Variants in ARL8B observed in about 807,000 individuals in gnomAD.
ARL8B encodes ARF like GTPase 8B, also known as ADP-ribosylation factor-like protein 8B.
A neutral mutation model predicts 30.6 loss-of-function variants in ARL8B; 9 were observed. That is an observed-to-expected ratio of 0.29 (90% confidence interval 0.18 to 0.51). The LOEUF is 0.51. Ranked by LOEUF, ARL8B falls within the 20% of genes least tolerant of loss-of-function variation. The pLI is 0.97. For synonymous variants in ARL8B, 74 were observed against 76.0 expected (o/e 0.97, Z 0.14); for missense variants, 130 against 227.2 (o/e 0.57, Z 2.75).
At chr3:5,153,204 C>T (rs575246446) in intron 1 of ARL8B, among the ~76,000 whole-genome samples, 5 of 152,172 alleles carry the variant, frequency 3.3e-5, no homozygotes, top group East Asian at 3.9e-4. Flanking sequence ...TAGTCATTAT[C>T]GGTAATATAC....
In ARL8B at chr3:5,166,539, T is replaced by C. The variant is rs1301810307; in HGVS notation, c.124-3964T>C. ...TTTTAGTAGAGGCAGGGTTTCACCA[T>C]GTTGCCCAGACTGGTCTTGAACTCC... On this transcript the variant is annotated intron_variant, in intron 1 of 6. Coordinates refer to ENST00000256496, the MANE Select transcript of ARL8B (RefSeq NM_018184.3). 3.3e-5 allele frequency among the ~76,000 whole-genome samples: 5 copies of C among 151,914 alleles called. No homozygotes were observed. The South Asian group carries it at 8.3e-4, about 25-fold the overall frequency.
chr3:5,141,990 G>A (rs2054377658), intron 1 of ARL8B, among the ~76,000 whole-genome samples: 1 of 152,116 alleles, frequency 6.6e-6, no homozygotes, highest in Non-Finnish European at 1.5e-5. Context: ...CACTCCCCTA[G>A]GGACTCCTAT....
intron 1 of ARL8B, among the ~76,000 whole-genome samples, chr3:5,156,094 C>G (rs982114823): frequency 6.6e-6 from 1 of 151,822 alleles, no homozygotes; most frequent in Non-Finnish European, 1.5e-5. Flanking sequence ...TTAGAGATGG[C>G]GTTACACTAT....
intron 2 of ARL8B, 126 bp from the exon 3 acceptor site, chr3:5,172,023 GA>G: frequency 1.2e-6 from 1 of 810,566 alleles, no homozygotes; most frequent in Non-Finnish European, 1.9e-6. Context: ...AGTCTTTCAG[GA>G]GCACTTTGCC....
chr3:5,144,242 C>T (rs1442775490), intron 1 of ARL8B, among the ~76,000 whole-genome samples: 2 of 152,202 alleles, frequency 1.3e-5, no homozygotes, highest in African/African-American at 4.8e-5. Flanking sequence ...AGACTTCCAC[C>T]TAGCCAGAAA....
At position 5,178,516 on chromosome 3, in the gene ARL8B, G is replaced by A. The variant is rs1290946228; in HGVS notation, c.512-148G>A. 5 of 606,916 alleles carry A rather than the reference G, an allele frequency of 8.2e-6. No homozygotes were observed. In the East Asian group the frequency reaches 8.9e-5, roughly 11 times the overall value. 37.6% of individuals were successfully genotyped at this position (606,916 alleles called of 1,614,324 possible). On this transcript the variant is annotated intron_variant, in intron 6 of 6. Transcript: ENST00000256496. ...AATTCCTCATATTCTCTTGAAGTTC[G>A]GGTAATGGAGTATGGTAATGCAGAT...
chr3:5,155,153 C>G (rs1024230249), intron 1 of ARL8B, among the ~76,000 whole-genome samples: 31 of 152,162 alleles, frequency 2.0e-4, no homozygotes, highest in African/African-American at 7.2e-4. Flanking sequence ...TTTTCTCCAA[C>G]TTCTGAAGGA....
intron 1 of ARL8B, among the ~76,000 whole-genome samples, chr3:5,158,124 C>T (rs2054548052): frequency 6.6e-6 from 1 of 152,146 alleles, no homozygotes; most frequent in South Asian, 2.1e-4. Context: ...CACAGGTGCT[C>T]ACCACTTTGC....
intron 1 of ARL8B, among the ~76,000 whole-genome samples, chr3:5,162,221 C>T (rs1371106285): frequency 2.6e-5 from 4 of 152,238 alleles, no homozygotes; most frequent in African/African-American, 7.2e-5. Flanking sequence ...GCTATAGCCA[C>T]TTCTTCATCT....
intron 1 of ARL8B, chr3:5,128,629 T>C: frequency 4.5e-6 from 1 of 222,866 alleles, no homozygotes; most frequent in South Asian, 5.0e-5. Context: ...ACATTGAACC[T>C]ATAAAAAAGT....
At chr3:5,147,821 G>A (rs2054442149) in intron 1 of ARL8B, among the ~76,000 whole-genome samples, 1 of 151,234 alleles carries the variant, frequency 6.6e-6, no homozygotes, top group South Asian at 2.1e-4. Flanking sequence ...GGGTCCTCCG[G>A]ATCTAATTTT....
intron 4 of ARL8B, 117 bp downstream of exon 4, chr3:5,172,857 C>T (rs1559286696): frequency 1.4e-6 from 1 of 718,616 alleles, no homozygotes; most frequent in Non-Finnish European, 2.3e-6. Flanking sequence ...TTTTTAAAAT[C>T]TGGAAAACTT....
At chr3:5,152,644 C>T (rs2054494621) in intron 1 of ARL8B, among the ~76,000 whole-genome samples, 2 of 152,222 alleles carry the variant, frequency 1.3e-5, no homozygotes, top group Admixed American at 1.3e-4. Flanking sequence ...TGCCGCCACA[C>T]CTAGCTAATT....
At chr3:5,172,819 T>TTGAAATCAGTAAC in intron 4 of ARL8B, 79 bp downstream of exon 4, 1 of 970,654 alleles carries the variant, frequency 1.0e-6, no homozygotes, top group Non-Finnish European at 1.6e-6. Context: ...TGATATTAAT[T>TTGAAATCAGTAAC]ATGTTTGAAA....
At chr3:5,130,535 T>TG (rs1057187091) in intron 1 of ARL8B, among the ~76,000 whole-genome samples, 23 of 145,924 alleles carry the variant, frequency 1.6e-4, no homozygotes, top group South Asian at 6.6e-4. Context: ...TGTGTGTGTG[T>TG]TTTTTTTTTT....
In ARL8B at chr3:5,131,254, A is replaced by T. The variant is rs534513884; in HGVS notation, c.123+8666A>T. ...GTCCGGAGAATGTTTTAATGCCAAT[A>T]CATGGACTTCATCATTTGTAAATAG... is the stretch of plus-strand genomic sequence containing the variant. On this transcript the variant is annotated intron_variant, in intron 1 of 6. Coordinates refer to ENST00000256496, the MANE Select transcript of ARL8B (RefSeq NM_018184.3). Among the ~76,000 whole-genome samples, 20 of 152,268 alleles carry T rather than the reference A, an allele frequency of 1.3e-4. No homozygotes were observed. The East Asian group carries it at 3.7e-3, about 28-fold the overall frequency.
intron 1 of ARL8B, among the ~76,000 whole-genome samples, chr3:5,161,166 A>G (rs554117074): frequency 6.6e-6 from 1 of 152,312 alleles, no homozygotes; most frequent in Admixed American, 6.5e-5. Context: ...TTGGCCTCCC[A>G]CGGCCGGGGA....
chr3:5,166,215 T>G (rs2054622467), intron 1 of ARL8B, among the ~76,000 whole-genome samples: 1 of 152,022 alleles, frequency 6.6e-6, no homozygotes, highest in Non-Finnish European at 1.5e-5. Flanking sequence ...AATTTTTGTA[T>G]TTTTAGTACA....
chr3:5,152,637 C>T (rs2054494518), intron 1 of ARL8B, among the ~76,000 whole-genome samples: 1 of 152,182 alleles, frequency 6.6e-6, no homozygotes, highest in African/African-American at 2.4e-5. Context: ...GGGCGCGTGC[C>T]GCCACACCTA....
Sources: allele counts gnomAD v4.1 joint callset (sites outside exome capture counted in the v4.1 genomes callset), GRCh38; gene constraint gnomAD v4.1.1; transcripts MANE v1.5; gene names NCBI Gene and HGNC (gene_info 2026-07-23, HGNC 2026-07-21).